Variants in MCM2 observed in about 807,000 individuals in gnomAD.
The protein encoded by MCM2 is DNA replication licensing factor MCM2.
In MCM2, 49 loss-of-function variants were observed where a neutral mutation model predicts 86.4. The ratio of observed to expected loss-of-function variants is 0.57; its 90% CI spans 0.45 to 0.72. MCM2 has a LOEUF of 0.72. Among genes scored for constraint, MCM2 ranks in the 30% least tolerant of loss-of-function variants. The probability of loss-of-function intolerance (pLI) is 0.00; values close to 1 mark genes in which losing one functional copy is unlikely to be tolerated. For synonymous variants in MCM2, 475 were observed against 484.6 expected, an observed-to-expected ratio of 0.98 and a Z score of 0.26; for missense variants, 1,038 against 1,259.9, an observed-to-expected ratio of 0.82 and a Z score of 2.67.
At position 127,598,490 on chromosome 3, in the gene MCM2, TGGCGGGCG is replaced by T. The variant is rs1298350243; in HGVS notation, c.6+23_6+30del. On this transcript the variant is annotated intron_variant, in intron 1 of 15. Transcript: ENST00000265056. ...CTATGGCGGTGAGCGCGCTGGCGCG[TGGCGGGCG>T]GGCGCCGGGGACATGGGTGCGGAGG... 6.2e-7 allele frequency: 1 copy of T among 1,612,044 alleles called. No individual in the cohort carries two copies. Among genetic ancestry groups the T allele is most frequent in the East Asian group, 2.2e-5 (1 of 44,720 alleles).
rs974330573 is a variant in MCM2 at position 127,621,966 on chromosome 3, G to A, written c.*193G>A. 2 of 545,470 alleles carry A rather than the reference G, an allele frequency of 3.7e-6. No individual in the cohort carries two copies. The highest frequency in any genetic ancestry group is 1.9e-5 in the African/African-American group (1 of 52,090). 33.8% of individuals were successfully genotyped at this position (545,470 alleles called of 1,614,324 possible). A position where few individuals can be genotyped will look rare whatever the true frequency, so the allele number is the denominator to read the frequency against. On this transcript the variant is annotated 3_prime_UTR_variant, in exon 16 of 16. Transcript: ENST00000265056. ...GCCTGCTTTGTGCTTCTCACCTTTG[G>A]GTGGGATGCCTTGCCAGTGTGTCTT...
intron 9 of MCM2, among the ~76,000 whole-genome samples, chr3:127,616,364 C>T (rs2074432031): frequency 2.0e-5 from 3 of 152,148 alleles, no homozygotes; most frequent in Non-Finnish European, 4.4e-5. Flanking sequence ...TCTTCCTAGT[C>T]CCTCCCTTTG....
At chr3:127,620,637 C>T in intron 13 of MCM2, 61 bp from the exon 14 acceptor site, 3 of 1,513,854 alleles carry the variant, frequency 2.0e-6, no homozygotes, top group Non-Finnish European at 2.7e-6. Flanking sequence ...AGTGCCGCTG[C>T]TTTATTTTCC....
chr3:127,609,919 A>T (rs1002020820), intron 8 of MCM2, among the ~76,000 whole-genome samples: 1 of 132,268 alleles, frequency 7.6e-6, no homozygotes, highest in East Asian at 2.2e-4. Context: ...ATCTCAGCTC[A>T]CTACAGCCTC....
intron 8 of MCM2, among the ~76,000 whole-genome samples, 178 bp from the exon 9 acceptor site, chr3:127,615,684 T>A (rs1260171153): frequency 6.6e-6 from 1 of 152,216 alleles, no homozygotes; most frequent in African/African-American, 2.4e-5. Context: ...AAGAGCCAAC[T>A]AATGAAAAGC....
intron 4 of MCM2, 42 bp downstream of exon 4, chr3:127,605,198 T>TC: frequency 6.3e-7 from 1 of 1,591,838 alleles, no homozygotes; most frequent in Non-Finnish European, 8.6e-7. Flanking sequence ...CTGTAGCGCC[T>TC]CCCTAAATCC....
intron 8 of MCM2, among the ~76,000 whole-genome samples, chr3:127,611,637 C>T (rs1172635191): frequency 1.4e-5 from 2 of 145,202 alleles, no homozygotes; most frequent in Non-Finnish European, 3.0e-5. Context: ...CTGTCTTCTG[C>T]AGATTCCATC....
rs562643137 is a variant in MCM2, at chr3:127,604,975, C to A, written c.492C>A (p.Asp164Glu). Residue 164 changes from aspartate to glutamate, a missense_variant, in exon 4 of 16, where the codon GAC becomes GAA. By Grantham distance (45) the Asp-to-Glu change is conservative (BLOSUM62 2). Around this residue, in one of 4 missense-constraint regions of MCM2, gnomAD observed 300 missense variants for 307.4 expected, o/e 0.98. Coordinates refer to ENST00000265056, the MANE Select transcript of MCM2 (RefSeq NM_004526.4). ...VERATEDGEEDEEMIESIENL... is the reference protein window; with the variant it reads ...VERATEDGEEEEEMIESIENL... Reference sequence around the variant, plus strand: ...GGGCCACGGAGGACGGCGAGGAGGACGAGGAGATGATCGAGAGCATCGAGA... The same window carrying A: ...GGGCCACGGAGGACGGCGAGGAGGAAGAGGAGATGATCGAGAGCATCGAGA... The A allele has an allele frequency of 6.2e-7, 1 of 1,613,818 alleles. No individual in the cohort carries two copies. The highest frequency in any genetic ancestry group is 1.3e-5 in the African/African-American group (1 of 75,038).
chr3:127,621,820 G>A lies in MCM2; in HGVS notation c.*47G>A, dbSNP rs2074480972. 2 of 1,450,580 alleles carry A rather than the reference G, an allele frequency of 1.4e-6. 1 individual carries two copies. 89.9% of individuals were successfully genotyped at this position (1,450,580 alleles called of 1,614,324 possible). A position where few individuals can be genotyped will look rare whatever the true frequency, so the allele number is the denominator to read the frequency against. ...ATTCCTTGGGATTCTGGTTTGGGGT[G>A]GTCAGTGCCCTCTGTGCTTTATGGA... On this transcript the variant is annotated 3_prime_UTR_variant, in exon 16 of 16. Transcript: ENST00000265056.
rs747123456 is a variant in MCM2 at position 127,616,902 on chromosome 3, G to C, written c.1557G>C (p.Val519=). The C allele has an allele frequency of 6.2e-7, 1 of 1,614,034 alleles. No homozygotes were observed. ...ACAAGGTACGTGGTGATATCAACGTGCTCTTGTGCGGAGACCCTGGCACAG... is the reference window on the plus strand; with the variant it reads ...ACAAGGTACGTGGTGATATCAACGTCCTCTTGTGCGGAGACCCTGGCACAG... ...GKHKVRGDIN[V]LLCGDPGTAK... The change falls in exon 10 of 16, where the codon GTG becomes GTC. Residue 519 remains valine (V), a synonymous_variant. Coordinates refer to ENST00000265056, the MANE Select transcript of MCM2 (RefSeq NM_004526.4).
At position 127,606,233 on chromosome 3, in the gene MCM2, C is replaced by T; in HGVS notation, c.789C>T (p.Ala263=). ...TGCTGCAGATCTTTGATGAGGCTGC[C>T]CTGGAGGTGGTACTGGCCATGTACC... The part of the protein sequence containing the change: ...AELLQIFDEA[A]LEVVLAMYPK... Residue 263 remains alanine, a synonymous_variant, in exon 5 of 16, where the codon GCC becomes GCT. Coordinates refer to ENST00000265056, the MANE Select transcript of MCM2 (RefSeq NM_004526.4). This position sits in a 1 kb window ranked among gnomAD's most constrained non-coding sequence, Gnocchi z 4.2. The T allele has an allele frequency of 6.2e-7, 1 of 1,614,182 alleles. No homozygotes were observed. Among genetic ancestry groups the T allele is most frequent in the Non-Finnish European group, 8.5e-7 (1 of 1,180,024 alleles).
At chr3:127,608,804 T>C (rs776680860) in intron 7 of MCM2, 28 bp from the exon 8 acceptor site, 7 of 1,611,442 alleles carry the variant, frequency 4.3e-6, no homozygotes, top group Non-Finnish European at 5.9e-6. Context: ...GGTTAGGCTC[T>C]GACTTCTTGG....
intron 2 of MCM2, among the ~76,000 whole-genome samples, chr3:127,602,162 C>CTTTTTT (rs201744525): frequency 2.3e-5 from 3 of 127,948 alleles, no homozygotes; most frequent in Non-Finnish European, 5.0e-5. Flanking sequence ...TCCAGTTTAA[C>CTTTTTT]TTTTTTTTTT....
At chr3:127,610,980 A>G (rs141479476) in intron 8 of MCM2, 196 of 456,592 alleles carry the variant, frequency 4.3e-4, no homozygotes, top group African/African-American at 3.3e-3. Context: ...TTGTAGGGAT[A>G]CAATGGTGAG....
At chr3:127,609,435 C>T (rs2074376036) in intron 8 of MCM2, among the ~76,000 whole-genome samples, 2 of 152,026 alleles carry the variant, frequency 1.3e-5, no homozygotes, top group Admixed American at 6.6e-5. Flanking sequence ...CTGTGGCCAA[C>T]GGGAATTTCT....
At chr3:127,619,521 A>T (rs938184112) in intron 13 of MCM2, among the ~76,000 whole-genome samples, 5 of 151,406 alleles carry the variant, frequency 3.3e-5, no homozygotes, top group Admixed American at 6.6e-5. Context: ...ACATGGTGAA[A>T]CCCAAAAATT....
chr3:127,606,861 G>A lies in MCM2; in HGVS notation c.1101+44G>A, dbSNP rs767509805. 2 of 1,591,784 alleles carry A rather than the reference G, an allele frequency of 1.3e-6. No homozygotes were observed. Among genetic ancestry groups the A allele is most frequent in the African/African-American group, 1.3e-5 (1 of 74,426 alleles). On this transcript the variant is annotated intron_variant, in intron 6 of 15. Coordinates refer to ENST00000265056, the MANE Select transcript of MCM2 (RefSeq NM_004526.4). This position sits in a 1 kb window ranked among gnomAD's most constrained non-coding sequence, Gnocchi z 4.2. ...TCTGCTGCCAGCTGTCCTTAGGGGT[G>A]CCCAGTATGCAGGACCTGACTGGCC...
At chr3:127,601,235 G>A (rs1169144108) in intron 2 of MCM2, among the ~76,000 whole-genome samples, 1 of 152,142 alleles carries the variant, frequency 6.6e-6, no homozygotes, top group Non-Finnish European at 1.5e-5. Context: ...CCTTTTTGTG[G>A]CTGAATCATA....
intron 8 of MCM2, among the ~76,000 whole-genome samples, chr3:127,613,961 T>C (rs1041162685): frequency 1.3e-5 from 2 of 152,230 alleles, no homozygotes; most frequent in Non-Finnish European, 2.9e-5. Flanking sequence ...TACAAGGACC[T>C]ACTCCCTGGA....
Sources: allele counts gnomAD v4.1 joint callset (sites outside exome capture counted in the v4.1 genomes callset), GRCh38; gene constraint gnomAD v4.1.1; regional missense constraint gnomAD v4.1.1; non-coding constraint Gnocchi (gnomAD v3.1); transcripts MANE v1.5; gene names NCBI Gene and HGNC (gene_info 2026-07-23, HGNC 2026-07-21).